FAM171A1: variants seen among roughly 807,000 people sequenced by gnomAD.
FAM171A1 encodes family with sequence similarity 171 member A1.
Under a neutral mutation model 74.9 loss-of-function variants are expected in FAM171A1, and 23 were observed. The ratio of observed to expected loss-of-function variants is 0.31; its 90% CI spans 0.22 to 0.44. The LOEUF is 0.44. FAM171A1 is among the 20% of genes least tolerant of loss of function. FAM171A1 has a pLI of 1.00. For synonymous variants in FAM171A1, 527 were observed against 505.7 expected (o/e 1.04, Z -0.57); for missense variants, 1,162 against 1,159.2 (o/e 1.00, Z -0.03).
At position 15,216,226 on chromosome 10, in the gene FAM171A1, T is replaced by G. The variant is rs561770226; in HGVS notation, c.872-116A>C. 7 of 617,392 alleles carry G rather than the reference T, an allele frequency of 1.1e-5. No homozygotes were observed. The African/African-American group carries it at 1.3e-4, about 12-fold the overall frequency. 38.2% of individuals were successfully genotyped at this position (617,392 alleles called of 1,614,324 possible). On this transcript the variant is annotated intron_variant, in intron 6 of 7. Coordinates refer to ENST00000378116, the MANE Select transcript of FAM171A1 (RefSeq NM_001010924.2). ...TCTTCTTAGCTGGGGCATAGAGCAG[T>G]GGCCAGAGGAAAACGCCCTTGGATC...
intron 3 of FAM171A1, among the ~76,000 whole-genome samples, chr10:15,267,185 G>A (rs1834755793): frequency 1.3e-5 from 2 of 152,232 alleles, no homozygotes; most frequent in African/African-American, 2.4e-5. Context: ...CTGTGTCAGG[G>A]CATGGGCATG....
chr10:15,262,077 T>C (rs1213607918), intron 3 of FAM171A1, among the ~76,000 whole-genome samples: 1 of 152,192 alleles, frequency 6.6e-6, no homozygotes, highest in Non-Finnish European at 1.5e-5. Context: ...ATTGCACTAC[T>C]GCACTCCAGT....
chr10:15,276,424 C>A (rs1834896192), intron 2 of FAM171A1, among the ~76,000 whole-genome samples: 1 of 152,228 alleles, frequency 6.6e-6, no homozygotes, highest in African/African-American at 2.4e-5. Context: ...CGTGATCCAC[C>A]TGCCTTGGCC....
At chr10:15,322,736 T>C (rs745524999) in intron 1 of FAM171A1, among the ~76,000 whole-genome samples, 5 of 152,204 alleles carry the variant, frequency 3.3e-5, no homozygotes, top group Non-Finnish European at 7.3e-5. Context: ...TGGGGTCTGG[T>C]CCTTAGCCCT....
chr10:15,321,062 T>C (rs1303363425), intron 1 of FAM171A1, among the ~76,000 whole-genome samples: 1 of 152,178 alleles, frequency 6.6e-6, no homozygotes, highest in Non-Finnish European at 1.5e-5. Context: ...CATCTGGTCA[T>C]TTGGGGCCTG....
At chr10:15,347,033 C>A (rs1424860581) in intron 1 of FAM171A1, among the ~76,000 whole-genome samples, 2 of 152,136 alleles carry the variant, frequency 1.3e-5, no homozygotes, top group African/African-American at 2.4e-5. Context: ...TAAAAGAGAT[C>A]TCAGGAAGAC....
chr10:15,241,267 C>T (rs1291326191), intron 5 of FAM171A1: 1 of 151,972 alleles, frequency 6.6e-6, no homozygotes, highest in Non-Finnish European at 1.5e-5. Context: ...TGTCTGGGCA[C>T]CCCAGTTTGC....
chr10:15,288,653 G>A (rs45521335), intron 1 of FAM171A1, among the ~76,000 whole-genome samples: 12,385 of 151,958 alleles, frequency 0.082, 557 homozygotes, highest in Middle Eastern at 0.13. Flanking sequence ...AGAGAAAGGC[G>A]GAGTTCCACT....
chr10:15,332,262 T>C (rs1835648372), intron 1 of FAM171A1, among the ~76,000 whole-genome samples: 1 of 152,074 alleles, frequency 6.6e-6, no homozygotes, highest in Non-Finnish European at 1.5e-5. Context: ...GGCCAGGACT[T>C]GCATTTTAAA....
chr10:15,289,373 G>A (rs11259596), intron 1 of FAM171A1, among the ~76,000 whole-genome samples: 1 of 152,154 alleles, frequency 6.6e-6, no homozygotes, highest in African/African-American at 2.4e-5. Context: ...ACCCCGCTGA[G>A]TTGGTCACCT....
At chr10:15,294,350 C>T (rs1019979842) in intron 1 of FAM171A1, among the ~76,000 whole-genome samples, 10 of 152,202 alleles carry the variant, frequency 6.6e-5, no homozygotes, top group Non-Finnish European at 1.0e-4. Context: ...CCATGGGCTC[C>T]AGTTCTGTCT....
At chr10:15,301,698 G>T (rs561977027) in intron 1 of FAM171A1, among the ~76,000 whole-genome samples, 1 of 152,238 alleles carries the variant, frequency 6.6e-6, no homozygotes, top group East Asian at 1.9e-4. Flanking sequence ...TGGGAAATGG[G>T]GTTCAGGGAA....
chr10:15,242,397 T>G (rs1296063430), intron 5 of FAM171A1, among the ~76,000 whole-genome samples: 1 of 152,256 alleles, frequency 6.6e-6, no homozygotes, highest in East Asian at 1.9e-4. Context: ...TATTTTTGAA[T>G]GACTATCCAC....
chr10:15,224,532 C>G (rs1834080352), intron 5 of FAM171A1, among the ~76,000 whole-genome samples: 1 of 152,074 alleles, frequency 6.6e-6, no homozygotes, highest in South Asian at 2.1e-4. Flanking sequence ...ATTGTAGCTC[C>G]CACAATTCCT....
Position 15,283,792 on chromosome 10 carries a change from C to G in FAM171A1, c.325+86G>C, listed in dbSNP as rs145188164. On this transcript the variant is annotated intron_variant, in intron 2 of 7. Coordinates refer to ENST00000378116, the MANE Select transcript of FAM171A1 (RefSeq NM_001010924.2). ...TAGAGATGCAGTCTCACTATGTTGC[C>G]CAAGCTGGTTTCAGACTCCTGGCCT... The G allele has an allele frequency of 1.1e-3, 1,436 of 1,357,208 alleles. 15 individuals carry two copies. In the African/African-American group the frequency reaches 0.019, roughly 18 times the overall value. The allele number at this position is 1,357,208 out of a possible 1,614,324, so 84.1% of individuals were successfully genotyped here.
chr10:15,270,836 T>TCAGAAGGAAAACAGTTAGAAGGAA (rs1834814671), intron 3 of FAM171A1, among the ~76,000 whole-genome samples: 1 of 152,098 alleles, frequency 6.6e-6, no homozygotes, highest in Admixed American at 6.6e-5. Context: ...GAAGGAAAAC[T>TCAGAAGGAAAACAGTTAGAAGGAA]AACAAACAGA....
intron 5 of FAM171A1, among the ~76,000 whole-genome samples, chr10:15,225,213 T>C (rs1370334675): frequency 2.6e-5 from 4 of 152,174 alleles, no homozygotes; most frequent in African/African-American, 9.7e-5. Context: ...GAGATATGCA[T>C]AGAGTAGGAA....
At chr10:15,354,671 C>T (rs567070213) in intron 1 of FAM171A1, among the ~76,000 whole-genome samples, 10 of 152,218 alleles carry the variant, frequency 6.6e-5, no homozygotes, top group Admixed American at 2.6e-4. Context: ...CTGCAGCTCC[C>T]GCTGACCCAG....
At chr10:15,268,313 C>T (rs1020737312) in intron 3 of FAM171A1, among the ~76,000 whole-genome samples, 1 of 152,080 alleles carries the variant, frequency 6.6e-6, no homozygotes, top group Admixed American at 6.6e-5. Context: ...AATGGGATAA[C>T]CCGTTAAAAA....
Sources: allele counts gnomAD v4.1 joint callset (sites outside exome capture counted in the v4.1 genomes callset), GRCh38; gene constraint gnomAD v4.1.1; transcripts MANE v1.5; gene names NCBI Gene and HGNC (gene_info 2026-07-23, HGNC 2026-07-21).